The following TTBK2 variants were observed in gnomAD, a reference collection of about 807,000 sequenced individuals.
The protein encoded by TTBK2 is tau tubulin kinase 2, also known as tau-tubulin kinase 2.
A neutral mutation model predicts 110.8 loss-of-function variants in TTBK2; 28 were observed. The observed-to-expected ratio is 0.25, with a 90% CI of 0.19 to 0.35. The LOEUF (loss-of-function observed/expected upper bound fraction) is 0.35, where lower values mean the gene tolerates loss of function less well. Among genes scored for constraint, TTBK2 ranks in the 10% least tolerant of loss-of-function variants. The pLI is 1.00. For synonymous variants in TTBK2, 532 were observed against 527.3 expected, an observed-to-expected ratio of 1.01 and a Z score of -0.12; for missense variants, 1,369 against 1,500.3, an observed-to-expected ratio of 0.91 and a Z score of 1.45.
At chr15:42,806,649 C>T (rs1891481064) in intron 9 of TTBK2, among the ~76,000 whole-genome samples, 1 of 152,164 alleles carries the variant, frequency 6.6e-6, no homozygotes, top group African/African-American at 2.4e-5. Flanking sequence ...CTTCCCTTGG[C>T]TTGTAACATT....
intron 9 of TTBK2, among the ~76,000 whole-genome samples, chr15:42,802,751 G>A (rs765105232): frequency 5.9e-5 from 9 of 152,134 alleles, no homozygotes; most frequent in Non-Finnish European, 1.2e-4. Context: ...GTGTCAAATT[G>A]ACTGGATTGA....
At chr15:42,773,172 C>T (rs926853880) in intron 13 of TTBK2, among the ~76,000 whole-genome samples, 1 of 152,150 alleles carries the variant, frequency 6.6e-6, no homozygotes, top group Non-Finnish European at 1.5e-5. Context: ...CACTGTGCTA[C>T]AGCCTGGGTG....
chr15:42,773,098 G>C (rs988726508), intron 13 of TTBK2, among the ~76,000 whole-genome samples: 1 of 152,132 alleles, frequency 6.6e-6, no homozygotes, highest in Non-Finnish European at 1.5e-5. Context: ...AGTGACTTGG[G>C]ACGCTGGCAT....
intron 3 of TTBK2, among the ~76,000 whole-genome samples, chr15:42,851,421 T>C (rs1446609936): frequency 1.3e-5 from 2 of 152,088 alleles, no homozygotes; most frequent in Non-Finnish European, 2.9e-5. Flanking sequence ...AAGAAGATTA[T>C]GAATAGTTTC....
chr15:42,830,861 C>T (rs1255744252), intron 4 of TTBK2, among the ~76,000 whole-genome samples: 3 of 151,640 alleles, frequency 2.0e-5, no homozygotes, highest in Non-Finnish European at 2.9e-5. Flanking sequence ...AAAATTTAGC[C>T]GGGTGTGGTG....
intron 3 of TTBK2, among the ~76,000 whole-genome samples, chr15:42,850,568 G>A (rs1485591925): frequency 6.6e-6 from 1 of 151,998 alleles, no homozygotes; most frequent in East Asian, 1.9e-4. Flanking sequence ...ACCAGAACCT[G>A]GACTACTGTT....
intron 13 of TTBK2, among the ~76,000 whole-genome samples, chr15:42,765,983 G>T (rs951953294): frequency 1.3e-5 from 2 of 152,116 alleles, no homozygotes; most frequent in Admixed American, 1.3e-4. Flanking sequence ...TTAAAGAAAA[G>T]AATTTTCAAC....
rs760128494 is a variant in TTBK2 at position 42,752,451 on chromosome 15, T to C, written c.2795A>G (p.Asp932Gly). ...AGTTACAAAGGATGACCTAACCATA[T>C]CCTTCCGGGTTGGGGCACCATGTTC... is the stretch of plus-strand genomic sequence containing the variant. The part of the protein sequence containing the change: ...ENEHGAPTRK[D>G]MVRSSFVTRH... Residue 932 changes from aspartate (D) to glycine (G), a missense_variant, in exon 14 of 15, where the codon GAT becomes GGT. By Grantham distance (94) the Asp-to-Gly change is moderately conservative. This residue lies in a region of TTBK2 where 1,097 missense variants were observed against 1,114.7 expected (regional missense o/e 0.98). Coordinates refer to ENST00000267890, the MANE Select transcript of TTBK2 (RefSeq NM_173500.4). 1.2e-6 allele frequency: 2 copies of C among 1,614,148 alleles called. No individual in the cohort carries two copies. Among genetic ancestry groups the C allele is most frequent in the Admixed American group, 1.7e-5 (1 of 60,016 alleles).
intron 1 of TTBK2, among the ~76,000 whole-genome samples, chr15:42,882,447 A>T (rs568353921): frequency 3.5e-4 from 51 of 147,700 alleles, no homozygotes; most frequent in African/African-American, 1.2e-3. Context: ...TAAAATACAA[A>T]ATATATATAT....
intron 3 of TTBK2, among the ~76,000 whole-genome samples, chr15:42,870,545 A>AAAAT (rs1894574319): frequency 6.6e-6 from 1 of 151,986 alleles, no homozygotes; most frequent in African/African-American, 2.4e-5. Flanking sequence ...AATTCATCAT[A>AAAAT]AAATATCTTT....
intron 8 of TTBK2, 103 bp from the exon 9 acceptor site, chr15:42,810,842 T>G: frequency 1.5e-6 from 2 of 1,325,574 alleles, no homozygotes; most frequent in South Asian, 2.4e-5. Flanking sequence ...GGGAATGAGA[T>G]AGTGGGTAAT....
At chr15:42,915,222 T>C (rs998446816) in intron 1 of TTBK2, among the ~76,000 whole-genome samples, 10 of 152,254 alleles carry the variant, frequency 6.6e-5, no homozygotes, top group African/African-American at 2.2e-4. Context: ...AATCTCAAGC[T>C]GTTCAGCTCT....
intron 9 of TTBK2, among the ~76,000 whole-genome samples, chr15:42,799,149 C>T (rs1277652129): frequency 1.3e-5 from 2 of 152,052 alleles, no homozygotes; most frequent in African/African-American, 4.8e-5. Flanking sequence ...GCGAGCGGAT[C>T]ACGAGGTCAG....
intron 1 of TTBK2, among the ~76,000 whole-genome samples, chr15:42,893,278 G>C (rs890474139): frequency 6.6e-6 from 1 of 152,098 alleles, no homozygotes; most frequent in Non-Finnish European, 1.5e-5. Context: ...AGGAGGACTT[G>C]AGGCCAGGAG....
At chr15:42,783,038 T>C (rs918901463) in intron 11 of TTBK2, among the ~76,000 whole-genome samples, 3 of 152,206 alleles carry the variant, frequency 2.0e-5, no homozygotes, top group Non-Finnish European at 4.4e-5. Flanking sequence ...CCAAATCACA[T>C]TGTGGCATAT....
chr15:42,893,001 ACT>A (rs753487736), intron 1 of TTBK2, among the ~76,000 whole-genome samples: 4 of 142,086 alleles, frequency 2.8e-5, no homozygotes, highest in Non-Finnish European at 4.6e-5. Flanking sequence ...ACAGAGCAAG[ACT>A]CTGTCTCAAA....
intron 11 of TTBK2, among the ~76,000 whole-genome samples, chr15:42,779,191 G>A (rs1290364907): frequency 1.3e-5 from 2 of 152,140 alleles, no homozygotes; most frequent in African/African-American, 4.8e-5. Flanking sequence ...ATCACTTGAG[G>A]CCAGGAGTTC....
chr15:42,864,898 G>A (rs1894305767), intron 3 of TTBK2, among the ~76,000 whole-genome samples: 1 of 152,134 alleles, frequency 6.6e-6, no homozygotes, highest in Admixed American at 6.5e-5. Context: ...ACTTAATTAT[G>A]TATGCTTATG....
rs1170603299 is a variant in TTBK2 at position 42,764,447 on chromosome 15, A to T, written c.1998+10688T>A. Among the ~76,000 whole-genome samples the T allele has an allele frequency of 1.2e-4, 19 of 152,276 alleles. 1 individual carries two copies. Among genetic ancestry groups the T allele is most frequent in the Non-Finnish European group, 1.0e-4 (7 of 68,056 alleles). ...AGGTCTTAGCAAACGGCACACCAGGAGATTACATCCTGCGCCAGGCTCAGC... is the reference window on the plus strand; with the variant it reads ...AGGTCTTAGCAAACGGCACACCAGGTGATTACATCCTGCGCCAGGCTCAGC... On this transcript the variant is annotated intron_variant, in intron 13 of 14. Coordinates refer to ENST00000267890, the MANE Select transcript of TTBK2 (RefSeq NM_173500.4).
Sources: gnomAD v4.1 joint callset for allele counts (sites outside exome capture counted in the v4.1 genomes callset) on GRCh38, gnomAD v4.1.1 for gene constraint, gnomAD v4.1.1 regional missense constraint, MANE v1.5 for transcripts, NCBI Gene and HGNC (gene_info 2026-07-23, HGNC 2026-07-21) for gene names.